Variants in CHLSN observed in about 807,000 individuals in gnomAD.
The protein encoded by CHLSN is protein cholesin.
chr7:1,093,233 G>T, the CHLSN span: 1 of 485,336 alleles, frequency 2.1e-6, no homozygotes, highest in Non-Finnish European at 4.2e-6. Context: ...GGCCACTGTG[G>T]GTGAAGCGCC....
chr7:1,021,255 G>T, the CHLSN span: 1 of 462,510 alleles, frequency 2.2e-6, no homozygotes, highest in Non-Finnish European at 2.8e-6. Context: ...CCAGGCTGAG[G>T]ATCTCCCAGC....
chr7:979,222 G>GGGTGTTTC, the CHLSN span, among the ~76,000 whole-genome samples: 5 of 152,202 alleles, frequency 3.3e-5, no homozygotes, highest in African/African-American at 4.8e-5. Flanking sequence ...CAATCCGGGA[G>GGGTGTTTC]GGTGTTTCAG....
chr7:1,098,923 G>C, the CHLSN span, among the ~76,000 whole-genome samples: 1 of 152,374 alleles, frequency 6.6e-6, no homozygotes, highest in South Asian at 2.1e-4. Flanking sequence ...GGCTGCACAA[G>C]TCTGTGACTA....
the CHLSN span, among the ~76,000 whole-genome samples, chr7:1,105,233 G>A: frequency 6.6e-6 from 1 of 152,250 alleles, no homozygotes; most frequent in Admixed American, 6.5e-5. Context: ...ACTGTGACCA[G>A]CAATTTCAAT....
At chr7:1,041,446 T>G in the CHLSN span, among the ~76,000 whole-genome samples, 1 of 152,100 alleles carries the variant, frequency 6.6e-6, no homozygotes, top group South Asian at 2.1e-4. Flanking sequence ...GAAGGGGACC[T>G]GGGCTCTGCC....
chr7:1,084,520 G>A, the CHLSN span, among the ~76,000 whole-genome samples: 1 of 152,246 alleles, frequency 6.6e-6, no homozygotes, highest in African/African-American at 2.4e-5. Flanking sequence ...TCCCTCCCTT[G>A]TGCCTATGGG....
At chr7:1,073,190 C>G in the CHLSN span, among the ~76,000 whole-genome samples, 1 of 152,038 alleles carries the variant, frequency 6.6e-6, no homozygotes, top group African/African-American at 2.4e-5. Context: ...CTTTCTCACC[C>G]ACTCTGCAGC....
At chr7:1,051,133 C>T in the CHLSN span, among the ~76,000 whole-genome samples, 1 of 152,244 alleles carries the variant, frequency 6.6e-6, no homozygotes, top group Admixed American at 6.5e-5. Flanking sequence ...GCTCCCAGGC[C>T]CTACAAGCAG....
the CHLSN span, among the ~76,000 whole-genome samples, chr7:1,010,894 C>T: frequency 1.3e-5 from 2 of 151,832 alleles, no homozygotes; most frequent in East Asian, 3.9e-4. Flanking sequence ...AGACTCCGAG[C>T]AAGGCCAGGA....
chr7:1,136,786 T>G, the CHLSN span, among the ~76,000 whole-genome samples: 1 of 151,934 alleles, frequency 6.6e-6, no homozygotes, highest in Non-Finnish European at 1.5e-5. Flanking sequence ...CTGAGCTTCC[T>G]AGTGTTCATC....
chr7:1,019,279 C>T, the CHLSN span, among the ~76,000 whole-genome samples: 603 of 151,338 alleles, frequency 4.0e-3, 5 homozygotes, highest in Middle Eastern at 6.8e-3. Flanking sequence ...CCAGGCCCAC[C>T]TGTGGTTGCA....
At chr7:1,016,659 CAG>C in the CHLSN span, among the ~76,000 whole-genome samples, 4 of 64,872 alleles carry the variant, frequency 6.2e-5, no homozygotes, top group African/African-American at 2.5e-4. Flanking sequence ...CAGCACACAG[CAG>C]CGCACAGCAG....
At chr7:1,000,593 G>C in the CHLSN span, 1 of 1,517,998 alleles carries the variant, frequency 6.6e-7, no homozygotes, top group African/African-American at 1.4e-5. Context: ...CTGGGCAAAA[G>C]ACTCCCGGGC....
chr7:978,392 C>T, the CHLSN span, among the ~76,000 whole-genome samples: 1 of 152,070 alleles, frequency 6.6e-6, no homozygotes. Context: ...GGGGCGCACA[C>T]CTGTGGTCCC....
At chr7:1,019,587 T>C in the CHLSN span, among the ~76,000 whole-genome samples, 1 of 152,052 alleles carries the variant, frequency 6.6e-6, no homozygotes, top group Non-Finnish European at 1.5e-5. Context: ...AGAGCGGAGG[T>C]GGCCGTGGGG....
At chr7:1,017,813 C>T in the CHLSN span, among the ~76,000 whole-genome samples, 1 of 152,252 alleles carries the variant, frequency 6.6e-6, no homozygotes, top group Non-Finnish European at 1.5e-5. Context: ...CCCCCCACTG[C>T]ACACAAGGCC....
At chr7:1,012,245 T>G in the CHLSN span, among the ~76,000 whole-genome samples, 1 of 152,170 alleles carries the variant, frequency 6.6e-6, no homozygotes, top group Admixed American at 6.5e-5. Flanking sequence ...CCCACATGCG[T>G]GGGGCACCCG....
the CHLSN span, among the ~76,000 whole-genome samples, chr7:1,061,137 A>G: frequency 6.6e-6 from 1 of 152,170 alleles, no homozygotes; most frequent in African/African-American, 2.4e-5. Context: ...CCCCAAAGGC[A>G]GGAGGGGCCT....
At chr7:1,116,208 AC>A in the CHLSN span, among the ~76,000 whole-genome samples, 3 of 123,578 alleles carry the variant, frequency 2.4e-5, no homozygotes, top group Admixed American at 8.4e-5. Context: ...AGCTCTAGGG[AC>A]TGGCTTCCAT....
Sources: allele counts gnomAD v4.1 joint callset (sites outside exome capture counted in the v4.1 genomes callset), GRCh38; gene constraint gnomAD v4.1.1; transcripts MANE v1.5; gene names NCBI Gene and HGNC (gene_info 2026-07-23, HGNC 2026-07-21).